CCNY: variants seen among roughly 807,000 people sequenced by gnomAD.
CCNY encodes cyclin Y.
In CCNY, 19 loss-of-function variants were observed where a neutral mutation model predicts 42.8. That is an observed-to-expected ratio of 0.44 (90% CI 0.31 to 0.65). The LOEUF (loss-of-function observed/expected upper bound fraction) is 0.65, where lower values mean the gene tolerates loss of function less well. CCNY is among the 30% of genes least tolerant of loss of function. The probability of loss-of-function intolerance (pLI) is 0.07; values close to 1 mark genes in which losing one functional copy is unlikely to be tolerated. For synonymous variants in CCNY, 165 were observed against 162.7 expected, an observed-to-expected ratio of 1.01 and a Z score of -0.11; for missense variants, 370 against 437.3, an observed-to-expected ratio of 0.85 and a Z score of 1.37.
intron 1 of CCNY, among the ~76,000 whole-genome samples, chr10:35,476,331 A>AT (rs1433383196): frequency 2.6e-5 from 4 of 151,908 alleles, no homozygotes; most frequent in Non-Finnish European, 4.4e-5. Context: ...CAGAACATAC[A>AT]TTTTTTTTCA....
At chr10:35,550,229 G>A (rs550860669) in intron 7 of CCNY, among the ~76,000 whole-genome samples, 1 of 147,682 alleles carries the variant, frequency 6.8e-6, no homozygotes, top group Admixed American at 6.7e-5. Flanking sequence ...ACTGCTCATG[G>A]CCCATGACCC....
chr10:35,318,606 G>C (rs1409036354), intron 3 of CCNY, among the ~76,000 whole-genome samples: 1 of 152,112 alleles, frequency 6.6e-6, no homozygotes, highest in East Asian at 1.9e-4. Context: ...TCACAAGGCA[G>C]TTTTCTTGCA....
At chr10:35,440,811 A>T (rs1191078252) in intron 1 of CCNY, among the ~76,000 whole-genome samples, 1 of 152,246 alleles carries the variant, frequency 6.6e-6, no homozygotes, top group Non-Finnish European at 1.5e-5. Context: ...GAAGCATTAC[A>T]TACATTTGTT....
At chr10:35,361,795 A>G (rs1429941542) in intron 1 of CCNY, among the ~76,000 whole-genome samples, 6 of 152,238 alleles carry the variant, frequency 3.9e-5, no homozygotes, top group African/African-American at 1.4e-4. Flanking sequence ...GAAAATGAGA[A>G]GTATGGGGCT....
intron 3 of CCNY, among the ~76,000 whole-genome samples, chr10:35,507,792 GT>G (rs59237920): frequency 0.82 from 117,883 of 143,468 alleles, 51,406 homozygotes; most frequent in South Asian, 0.98. Flanking sequence ...TACAGGGCCA[GT>G]TTTTTTTTTT....
intron 3 of CCNY, among the ~76,000 whole-genome samples, chr10:35,313,182 G>C (rs1835710223): frequency 6.6e-6 from 1 of 152,108 alleles, no homozygotes; most frequent in Admixed American, 6.6e-5. Flanking sequence ...GTGTTTGAAA[G>C]TGTGGAAAAA....
intron 3 of CCNY, among the ~76,000 whole-genome samples, chr10:35,310,489 T>C (rs1378091554): frequency 6.6e-6 from 1 of 152,232 alleles, no homozygotes; most frequent in Non-Finnish European, 1.5e-5. Context: ...AACTTTCATA[T>C]GGTTTCCATG....
chr10:35,426,130 C>A (rs1409135489), intron 1 of CCNY, among the ~76,000 whole-genome samples: 1 of 131,676 alleles, frequency 7.6e-6, no homozygotes, highest in African/African-American at 3.5e-5. Context: ...CACACACACA[C>A]ACACACACAC....
At chr10:35,456,815 G>T (rs1388559434) in intron 1 of CCNY, among the ~76,000 whole-genome samples, 2 of 152,136 alleles carry the variant, frequency 1.3e-5, no homozygotes, top group Non-Finnish European at 2.9e-5. Flanking sequence ...TACTGTAGGT[G>T]ATTATCTTAC....
intron 1 of CCNY, among the ~76,000 whole-genome samples, chr10:35,438,143 A>G (rs910879565): frequency 2.7e-5 from 4 of 149,340 alleles, no homozygotes; most frequent in African/African-American, 9.8e-5. Context: ...ACATATCTTC[A>G]GAGTTCTTTT....
At chr10:35,375,377 T>C (rs1222114653) in intron 1 of CCNY, among the ~76,000 whole-genome samples, 1 of 152,212 alleles carries the variant, frequency 6.6e-6, no homozygotes. Context: ...ACATCTTCTC[T>C]CTCTGGCTCT....
chr10:35,261,745 G>T (rs533640377), intron 3 of CCNY, among the ~76,000 whole-genome samples: 2 of 152,146 alleles, frequency 1.3e-5, no homozygotes, highest in Non-Finnish European at 2.9e-5. Flanking sequence ...AATAGGCCAG[G>T]CACAGTGGCT....
chr10:35,569,302 C>A lies in CCNY; in HGVS notation c.*132C>A, dbSNP rs1841638648. On this transcript the variant is annotated 3_prime_UTR_variant, in exon 10 of 10. Transcript: ENST00000374704. ...TTTACGCATAGCTCCGTCAAGCTGC[C>A]TGGATGAGCGCCCATGCAGCAAGGC... 6.2e-6 allele frequency: 4 copies of A among 647,938 alleles called. No individual in the cohort carries two copies. Among genetic ancestry groups the A allele is most frequent in the Non-Finnish European group, 2.8e-6 (1 of 362,588 alleles). 40.1% of individuals were successfully genotyped at this position (647,938 alleles called of 1,614,324 possible).
At chr10:35,491,516 C>T (rs1233635185) in intron 2 of CCNY, among the ~76,000 whole-genome samples, 1 of 152,212 alleles carries the variant, frequency 6.6e-6, no homozygotes, top group African/African-American at 2.4e-5. Context: ...TGGTAGACAG[C>T]CAGTCTGGAA....
chr10:35,292,784 T>TTG (rs1332546251), intron 3 of CCNY, among the ~76,000 whole-genome samples: 74 of 146,394 alleles, frequency 5.1e-4, no homozygotes, highest in African/African-American at 1.8e-3. Flanking sequence ...TGTTTTTGTT[T>TTG]TTTTTTTTTT....
Position 35,336,972 on chromosome 10 carries a change from G to A in CCNY, c.-82G>A. The A allele has an allele frequency of 8.6e-7, 1 of 1,157,286 alleles. No homozygotes were observed. The allele number at this position is 1,157,286 out of a possible 1,614,324, so 71.7% of individuals were successfully genotyped here. A position where few individuals can be genotyped will look rare whatever the true frequency, so the allele number is the denominator to read the frequency against. On this transcript the variant is annotated 5_prime_UTR_variant, in exon 1 of 10. Transcript: ENST00000374704. ...GCGGGCCTCCCCACACGCCCCCGCC[G>A]CCCGCGCCCCGCGTCCACCCGCGCC...
At chr10:35,281,068 A>AT (rs1940498201) in intron 3 of CCNY, among the ~76,000 whole-genome samples, 1 of 152,192 alleles carries the variant, frequency 6.6e-6, no homozygotes. Flanking sequence ...ACCCACTGGC[A>AT]TGGCTATAAT....
chr10:35,274,997 CT>C (rs1835220357), intron 3 of CCNY, among the ~76,000 whole-genome samples: 1 of 139,986 alleles, frequency 7.1e-6, no homozygotes, highest in African/African-American at 2.7e-5. Context: ...GCCATTCATT[CT>C]TTAAGGATCT....
intron 1 of CCNY, among the ~76,000 whole-genome samples, chr10:35,472,903 G>A (rs566881665): frequency 1.2e-4 from 18 of 152,170 alleles, no homozygotes; most frequent in African/African-American, 3.6e-4. Flanking sequence ...GTAGTATTTC[G>A]ATACGAATAG....
Sources: gnomAD v4.1 joint callset for allele counts (sites outside exome capture counted in the v4.1 genomes callset) on GRCh38, gnomAD v4.1.1 for gene constraint, MANE v1.5 for transcripts, NCBI Gene and HGNC (gene_info 2026-07-23, HGNC 2026-07-21) for gene names.